GNAQ: variants seen among roughly 807,000 people sequenced by gnomAD.
GNAQ encodes the protein G protein subunit alpha q, also known as guanine nucleotide-binding protein G(q) subunit alpha.
In GNAQ, 8 loss-of-function variants were observed where a neutral mutation model predicts 43.9. The ratio of observed to expected loss-of-function variants is 0.18; its 90% confidence interval spans 0.11 to 0.33. GNAQ has a LOEUF of 0.33. GNAQ is among the 10% of genes least tolerant of loss of function. The pLI, the probability that GNAQ is intolerant of heterozygous loss-of-function variation, is 1.00. For missense variants in GNAQ, 158 were observed against 450.8 expected (o/e 0.35, Z 5.88); for synonymous variants, 155 against 170.7 (o/e 0.91, Z 0.71).
At chr9:77,955,042 T>C (rs1289619260) in intron 1 of GNAQ, among the ~76,000 whole-genome samples, 2 of 152,324 alleles carry the variant, frequency 1.3e-5, no homozygotes, top group East Asian at 3.9e-4. Context: ...TGAAGTAGTT[T>C]AAGATACACG....
intron 1 of GNAQ, among the ~76,000 whole-genome samples, chr9:77,965,260 G>T (rs1050222958): frequency 2.6e-5 from 4 of 151,918 alleles, no homozygotes; most frequent in African/African-American, 9.7e-5. Context: ...GAATCCTCAC[G>T]AATCAACCCT....
chr9:77,899,560 A>AG (rs1828564306), intron 2 of GNAQ, among the ~76,000 whole-genome samples: 1 of 152,022 alleles, frequency 6.6e-6, no homozygotes, highest in African/African-American at 2.4e-5. Context: ...AACAAAAAAA[A>AG]AAATCAAAAA....
At chr9:77,834,506 CTTTT>C (rs35514699) in intron 2 of GNAQ, among the ~76,000 whole-genome samples, 1 of 150,784 alleles carries the variant, frequency 6.6e-6, no homozygotes, top group African/African-American at 2.4e-5. Flanking sequence ...ACTATTCTTT[CTTTT>C]TTTTTAACAG....
intron 2 of GNAQ, among the ~76,000 whole-genome samples, chr9:77,862,430 T>G (rs1827869595): frequency 6.6e-6 from 1 of 152,166 alleles, no homozygotes; most frequent in South Asian, 2.1e-4. Flanking sequence ...TCTGTGCACA[T>G]GCAGGCTAAT....
intron 5 of GNAQ, among the ~76,000 whole-genome samples, chr9:77,779,809 T>C (rs888387094): frequency 6.6e-6 from 1 of 151,690 alleles, no homozygotes; most frequent in Admixed American, 6.6e-5. Context: ...TGCCCAAAAT[T>C]TGACAACCTA....
chr9:78,031,785 G>A lies in GNAQ; in HGVS notation c.-550C>T, dbSNP rs1488510385. ...GCGCCCACCGCCCGGCTCGCGCGCA[G>A]ACCCGGTTCCCGTCCCGCCCGGCAA... is the stretch of plus-strand genomic sequence containing the variant. On this transcript the variant is annotated 5_prime_UTR_variant, in exon 1 of 7. Coordinates refer to ENST00000286548, the MANE Select transcript of GNAQ (RefSeq NM_002072.5). Among the ~76,000 whole-genome samples, 4 of 148,056 alleles carry A rather than the reference G, an allele frequency of 2.7e-5. No homozygotes were observed. Among genetic ancestry groups the A allele is most frequent in the Admixed American group, 2.0e-4 (3 of 14,918 alleles).
intron 1 of GNAQ, among the ~76,000 whole-genome samples, chr9:77,981,254 C>T (rs1172685622): frequency 6.6e-6 from 1 of 152,026 alleles, no homozygotes; most frequent in Non-Finnish European, 1.5e-5. Flanking sequence ...ATAGTATTTC[C>T]TTTAATCAAT....
At position 78,021,716 on chromosome 9, in the gene GNAQ, AT is replaced by A. The variant is rs367806351; in HGVS notation, c.136+9383del. On this transcript the variant is annotated intron_variant, in intron 1 of 6. Transcript: ENST00000286548. ...GGCAGAGATGGGCTTGGGCAACAAG[AT>A]TATTTGCAGGCAAAGGGAAAGCAAT... Among the ~76,000 whole-genome samples, 150 of 152,364 alleles carry A rather than the reference AT, an allele frequency of 9.8e-4. 2 individuals are homozygous for A. Among genetic ancestry groups the A allele is most frequent in the African/African-American group, 3.4e-3 (142 of 41,600 alleles).
At chr9:77,833,520 GTTC>G (rs1207998670) in intron 2 of GNAQ, among the ~76,000 whole-genome samples, 3 of 152,196 alleles carry the variant, frequency 2.0e-5, no homozygotes, top group Non-Finnish European at 4.4e-5. Flanking sequence ...GGGTTGTCCA[GTTC>G]ATATCTTTGC....
intron 1 of GNAQ, among the ~76,000 whole-genome samples, chr9:77,991,465 A>G (rs1181865455): frequency 6.6e-6 from 1 of 152,230 alleles, no homozygotes; most frequent in African/African-American, 2.4e-5. Context: ...AGGAAACAGG[A>G]AGACTACGAG....
chr9:77,895,451 T>G (rs1230223826), intron 2 of GNAQ, among the ~76,000 whole-genome samples: 1 of 152,146 alleles, frequency 6.6e-6, no homozygotes, highest in Non-Finnish European at 1.5e-5. Context: ...GGCACTGTAC[T>G]ATCCTGCTGC....
At chr9:77,944,940 T>C (rs998785561) in intron 1 of GNAQ, among the ~76,000 whole-genome samples, 2 of 152,166 alleles carry the variant, frequency 1.3e-5, no homozygotes, top group Non-Finnish European at 2.9e-5. Context: ...ATGTGGGCTG[T>C]CCCATCCAAG....
intron 2 of GNAQ, among the ~76,000 whole-genome samples, chr9:77,857,712 G>GA: frequency 6.6e-6 from 1 of 151,034 alleles, no homozygotes; most frequent in East Asian, 2.0e-4. Flanking sequence ...GGAAAGGGAG[G>GA]AAAGAGTCTA....
rs148065641 is a variant in GNAQ at position 77,875,510 on chromosome 9, T to A, written c.321+46651A>T. ...CTTATCTGCTAATGACTTTATGGAT[T>A]TGCTTCACGCAAATAAGATCTCTGC... On this transcript the variant is annotated intron_variant, in intron 2 of 6. Transcript: ENST00000286548. 5.7e-3 allele frequency among the ~76,000 whole-genome samples: 874 copies of A among 152,288 alleles called. 8 individuals carry two copies. The highest frequency in any genetic ancestry group is 0.019 in the African/African-American group (795 of 41,556).
At chr9:77,738,864 T>G (rs985316389) in intron 5 of GNAQ, among the ~76,000 whole-genome samples, 12 of 152,144 alleles carry the variant, frequency 7.9e-5, no homozygotes, top group African/African-American at 2.9e-4. Context: ...GCTCTCAACA[T>G]TCTAGTCTAA....
intron 2 of GNAQ, among the ~76,000 whole-genome samples, chr9:77,849,566 A>G (rs1215128184): frequency 1.3e-5 from 2 of 152,172 alleles, no homozygotes; most frequent in African/African-American, 4.8e-5. Context: ...TGGCTTTTCA[A>G]CCTGCTTCCT....
intron 5 of GNAQ, among the ~76,000 whole-genome samples, chr9:77,781,619 T>C (rs1826394768): frequency 6.6e-6 from 1 of 151,902 alleles, no homozygotes; most frequent in Admixed American, 6.6e-5. Context: ...CAACAAAATA[T>C]TAGCAAATCA....
chr9:77,753,035 C>T (rs1257062543), intron 5 of GNAQ, among the ~76,000 whole-genome samples: 5 of 136,820 alleles, frequency 3.7e-5, no homozygotes, highest in Admixed American at 8.0e-5. Context: ...TGCAGTGAGC[C>T]GAGATCGCGC....
At chr9:77,724,462 G>C (rs1486450008) in intron 6 of GNAQ, among the ~76,000 whole-genome samples, 1 of 152,184 alleles carries the variant, frequency 6.6e-6, no homozygotes, top group Non-Finnish European at 1.5e-5. Flanking sequence ...CTCCCAAAGT[G>C]CTGAGATTAC....
Sources: gnomAD v4.1 joint callset for allele counts (sites outside exome capture counted in the v4.1 genomes callset) on GRCh38, gnomAD v4.1.1 for gene constraint, MANE v1.5 for transcripts, NCBI Gene and HGNC (gene_info 2026-07-23, HGNC 2026-07-21) for gene names.